Variants in BTBD9 observed in about 807,000 individuals in gnomAD.
BTBD9 encodes the protein BTB/POZ domain-containing protein 9.
BTBD9 carries 49 observed loss-of-function variants against 64.3 expected under a neutral mutation model. The ratio of observed to expected loss-of-function variants is 0.76; its 90% CI spans 0.61 to 0.97. BTBD9 has a LOEUF of 0.97. BTBD9 is among the 50% of genes least tolerant of loss of function. BTBD9 has a pLI of 0.00. For missense variants in BTBD9, 598 were observed against 762.1 expected (o/e 0.78, Z 2.53); for synonymous variants, 260 against 274.7 (o/e 0.95, Z 0.53).
At chr6:38,516,982 C>T (rs549152969) in intron 6 of BTBD9, among the ~76,000 whole-genome samples, 1 of 152,146 alleles carries the variant, frequency 6.6e-6, no homozygotes, top group African/African-American at 2.4e-5. Flanking sequence ...TAAGAACTTA[C>T]AGAATTCAAA....
intron 6 of BTBD9, among the ~76,000 whole-genome samples, chr6:38,499,664 T>C (rs897413222): frequency 1.4e-4 from 22 of 152,238 alleles, no homozygotes; most frequent in Non-Finnish European, 1.2e-4. Flanking sequence ...GAATCTCTTG[T>C]GACTTCTTTT....
intron 6 of BTBD9, among the ~76,000 whole-genome samples, chr6:38,548,405 T>G (rs1774651400): frequency 6.6e-6 from 1 of 152,212 alleles, no homozygotes; most frequent in Non-Finnish European, 1.5e-5. Context: ...TCAGTAATCA[T>G]TTCTTCCTGT....
chr6:38,313,841 C>T (rs1005371592), intron 7 of BTBD9, among the ~76,000 whole-genome samples: 6 of 151,366 alleles, frequency 4.0e-5, no homozygotes, highest in Non-Finnish European at 5.9e-5. Flanking sequence ...CCTCCGCCTC[C>T]GGGGTTCAAG....
chr6:38,619,422 C>T (rs13207160), intron 1 of BTBD9, among the ~76,000 whole-genome samples: 12,950 of 152,170 alleles, frequency 0.085, 681 homozygotes, highest in Middle Eastern at 0.18. Context: ...GGCCAATAAC[C>T]CCGTATGGCT....
intron 1 of BTBD9, among the ~76,000 whole-genome samples, chr6:38,629,522 T>C (rs748694168): frequency 2.6e-5 from 4 of 152,198 alleles, no homozygotes; most frequent in Non-Finnish European, 4.4e-5. Context: ...GTGAGAGACA[T>C]ACTATTAAAA....
intron 4 of BTBD9, among the ~76,000 whole-genome samples, chr6:38,586,297 C>A (rs936120591): frequency 5.3e-5 from 8 of 152,026 alleles, no homozygotes; most frequent in African/African-American, 1.9e-4. Context: ...AAAGTTAATT[C>A]TCTTTCCCCA....
chr6:38,383,606 A>G (rs988945492), intron 6 of BTBD9, among the ~76,000 whole-genome samples: 47 of 152,234 alleles, frequency 3.1e-4, no homozygotes, highest in African/African-American at 1.0e-3. Flanking sequence ...CTAACAAAAG[A>G]TGTAGCAGAT....
intron 6 of BTBD9, among the ~76,000 whole-genome samples, chr6:38,451,146 G>A (rs781478688): frequency 6.6e-6 from 1 of 152,060 alleles, no homozygotes; most frequent in African/African-American, 2.4e-5. Flanking sequence ...CCACACCAAC[G>A]GAACTTGTTA....
intron 6 of BTBD9, among the ~76,000 whole-genome samples, chr6:38,447,154 C>T (rs1393398124): frequency 6.6e-6 from 1 of 152,162 alleles, no homozygotes; most frequent in African/African-American, 2.4e-5. Flanking sequence ...ATATCGAGAT[C>T]TGTAAATGTT....
chr6:38,463,625 G>A (rs933207452), intron 6 of BTBD9, among the ~76,000 whole-genome samples: 1 of 152,202 alleles, frequency 6.6e-6, no homozygotes. Context: ...AAGATCACAT[G>A]ATGTTTAGTT....
intron 6 of BTBD9, among the ~76,000 whole-genome samples, chr6:38,470,446 T>C (rs1770600108): frequency 1.3e-5 from 2 of 152,276 alleles, no homozygotes; most frequent in South Asian, 4.2e-4. Context: ...ACGGACTGGA[T>C]TATAACTCAG....
intron 6 of BTBD9, among the ~76,000 whole-genome samples, chr6:38,404,871 C>T (rs936196662): frequency 5.3e-5 from 8 of 152,152 alleles, no homozygotes; most frequent in African/African-American, 1.9e-4. Flanking sequence ...TTAATTCTGT[C>T]AGAAAAGAGA....
At chr6:38,277,575 C>G (rs554498760) in intron 8 of BTBD9, among the ~76,000 whole-genome samples, 3 of 152,096 alleles carry the variant, frequency 2.0e-5, no homozygotes, top group Non-Finnish European at 4.4e-5. Context: ...CTCAGGTGAT[C>G]CGCCTGCCTT....
At chr6:38,254,895 C>T (rs1764525491) in intron 9 of BTBD9, among the ~76,000 whole-genome samples, 1 of 152,166 alleles carries the variant, frequency 6.6e-6, no homozygotes, top group Non-Finnish European at 1.5e-5. Flanking sequence ...GATGACCCAG[C>T]AATTCTACTC....
intron 6 of BTBD9, among the ~76,000 whole-genome samples, chr6:38,546,247 G>A (rs1774549786): frequency 1.3e-5 from 2 of 152,158 alleles, no homozygotes; most frequent in Admixed American, 6.5e-5. Flanking sequence ...GGATCTACAA[G>A]GACAAGAATG....
chr6:38,412,715 C>A (rs187458044), intron 6 of BTBD9, among the ~76,000 whole-genome samples: 1 of 152,102 alleles, frequency 6.6e-6, no homozygotes, highest in East Asian at 1.9e-4. Flanking sequence ...AAAAATTAGC[C>A]GGATGTGATG....
chr6:38,224,328 G>A (rs1763316568), intron 9 of BTBD9, among the ~76,000 whole-genome samples: 1 of 152,122 alleles, frequency 6.6e-6, no homozygotes, highest in South Asian at 2.1e-4. Flanking sequence ...CTATTTTCCT[G>A]GCTCAGTTGG....
In BTBD9 at chr6:38,598,866, G is replaced by A. The variant is rs930770058; in HGVS notation, c.-27-745C>T. ...CAGGAGGCGGAGGTTGCTGTGAGTC[G>A]AGATGGCGCCATTGCACTCCAGCCT... On this transcript the variant is annotated intron_variant, in intron 1 of 10. Coordinates refer to ENST00000481247, the MANE Select transcript of BTBD9 (RefSeq NM_001099272.2). Among the ~76,000 whole-genome samples, 5 of 152,098 alleles carry A rather than the reference G, an allele frequency of 3.3e-5. No homozygotes were observed. The South Asian group carries it at 1.0e-3, about 32-fold the overall frequency.
chr6:38,223,974 A>T (rs1763302495), intron 9 of BTBD9, among the ~76,000 whole-genome samples: 1 of 152,084 alleles, frequency 6.6e-6, no homozygotes, highest in African/African-American at 2.4e-5. Context: ...GAATTTTTGG[A>T]GGCCAAAGCA....
Sources: allele counts gnomAD v4.1 joint callset (sites outside exome capture counted in the v4.1 genomes callset), GRCh38; gene constraint gnomAD v4.1.1; transcripts MANE v1.5; gene names NCBI Gene and HGNC (gene_info 2026-07-23, HGNC 2026-07-21).